The following ATE1 variants were observed in gnomAD, a reference collection of about 807,000 sequenced individuals.
ATE1 encodes arginyltransferase 1, also known as arginyl-tRNA--protein transferase 1.
In ATE1, 36 loss-of-function variants were observed where a neutral mutation model predicts 70.5. The observed-to-expected ratio is 0.51, with a 90% CI of 0.39 to 0.67. ATE1 has a LOEUF of 0.67. Among genes scored for constraint, ATE1 ranks in the 30% least tolerant of loss-of-function variants. The pLI is 0.00. For missense variants in ATE1, 593 were observed against 629.5 expected (o/e 0.94, Z 0.62); for synonymous variants, 232 against 219.3 (o/e 1.06, Z -0.51).
chr10:121,928,288 C>G (rs1022330618), upstream of ATE1: 2 of 1,487,768 alleles, frequency 1.3e-6, no homozygotes, highest in South Asian at 1.3e-5. Context: ...CCCTTTCCCC[C>G]GCCGAGGGCC....
intron 1 of ATE1, chr10:121,926,875 C>CTT: frequency 1.0e-6 from 1 of 984,878 alleles, no homozygotes; most frequent in Non-Finnish European, 1.2e-6. Context: ...ATAATCCTCA[C>CTT]TTCTAACGAT....
chr10:121,879,592 G>A (rs768842458), intron 7 of ATE1, among the ~76,000 whole-genome samples: 4 of 152,098 alleles, frequency 2.6e-5, no homozygotes, highest in African/African-American at 7.2e-5. Flanking sequence ...TGAATTCAAC[G>A]AATAAATGCA....
intron 7 of ATE1, among the ~76,000 whole-genome samples, chr10:121,871,687 C>T (rs1375973487): frequency 1.3e-5 from 2 of 151,346 alleles, no homozygotes; most frequent in Non-Finnish European, 2.9e-5. Flanking sequence ...CATTTAGGCC[C>T]TAGTTGACAA....
At chr10:121,786,489 CA>C (rs772050232) in intron 11 of ATE1, among the ~76,000 whole-genome samples, 2 of 151,952 alleles carry the variant, frequency 1.3e-5, no homozygotes, top group Non-Finnish European at 2.9e-5. Context: ...CGCAACGTAG[CA>C]AAACTCCACC....
At chr10:121,910,410 CAT>C (rs879925963) in intron 5 of ATE1, among the ~76,000 whole-genome samples, 33 of 151,948 alleles carry the variant, frequency 2.2e-4, no homozygotes, top group Non-Finnish European at 4.4e-4. Context: ...TAAGTAATAA[CAT>C]AAAAAAATCT....
chr10:121,852,926 C>G (rs906176388), intron 8 of ATE1, among the ~76,000 whole-genome samples: 1 of 152,094 alleles, frequency 6.6e-6, no homozygotes, highest in Non-Finnish European at 1.5e-5. Flanking sequence ...GCAACAGATT[C>G]CTAATTTTCT....
chr10:121,904,640 C>CAAAAA (rs778557337), intron 5 of ATE1, among the ~76,000 whole-genome samples: 3 of 46,488 alleles, frequency 6.5e-5, no homozygotes, highest in East Asian at 7.4e-4. Flanking sequence ...GACTCCGTCT[C>CAAAAA]AAAAAAAAAA....
At chr10:121,875,450 G>A (rs1445428245) in intron 7 of ATE1, among the ~76,000 whole-genome samples, 3 of 151,478 alleles carry the variant, frequency 2.0e-5, no homozygotes, top group Non-Finnish European at 4.4e-5. Context: ...GATTACAGGC[G>A]CCCACCACCA....
rs1050221389 is a variant in ATE1 at position 121,742,348 on chromosome 10, A to T, written c.*1332T>A. The stretch of plus-strand genomic sequence containing the variant: ...TAAAATTAGCAACAGGATTCAAACT[A>T]CCATGTTTTATAACATGGCTTTTAA... On this transcript the variant is annotated 3_prime_UTR_variant, in exon 12 of 12. Transcript: ENST00000224652. The T allele has an allele frequency of 2.6e-5, 4 of 152,254 alleles. No individual in the cohort carries two copies. The highest frequency in any genetic ancestry group is 5.9e-5 in the Non-Finnish European group (4 of 68,040). 9.4% of individuals were successfully genotyped at this position (152,254 alleles called of 1,614,324 possible).
chr10:121,833,349 C>T (rs1405203009), intron 10 of ATE1, among the ~76,000 whole-genome samples: 1 of 151,956 alleles, frequency 6.6e-6, no homozygotes, highest in African/African-American at 2.4e-5. Flanking sequence ...TACTCGTCAG[C>T]TCTCTGCATT....
At chr10:121,743,927 T>G (rs1590192759) in intron 11 of ATE1, 69 bp from the exon 12 acceptor site, 3 of 1,446,154 alleles carry the variant, frequency 2.1e-6, no homozygotes, top group African/African-American at 3.0e-5. Context: ...TTTTTTTTTT[T>G]TTTTTTTTTT....
rs1172072233 is a variant in ATE1, at chr10:121,927,827, C to T, written c.106+17G>A. 3.2e-6 allele frequency: 5 copies of T among 1,548,870 alleles called. No individual in the cohort carries two copies. Among genetic ancestry groups the T allele is most frequent in the Non-Finnish European group, 4.3e-6 (5 of 1,149,470 alleles). ...CGGGCGCCCGGCTTCCCACGCCCGC[C>T]GGCCCGGCTCGCTCACCATTGGAGC... On this transcript the variant is annotated intron_variant, in intron 1 of 11. Coordinates refer to ENST00000224652, the MANE Select transcript of ATE1 (RefSeq NM_001001976.3).
chr10:121,926,066 G>A (rs546759014), intron 1 of ATE1, among the ~76,000 whole-genome samples: 49 of 151,890 alleles, frequency 3.2e-4, no homozygotes, highest in African/African-American at 1.1e-3. Context: ...AAAATTAGCC[G>A]GCCGTGGTGG....
intron 10 of ATE1, among the ~76,000 whole-genome samples, chr10:121,790,624 CTAGT>C (rs1312226902): frequency 1.3e-5 from 2 of 152,126 alleles, no homozygotes; most frequent in African/African-American, 2.4e-5. Flanking sequence ...CTTTCAAATA[CTAGT>C]TAATTAACAA....
Position 121,871,764 on chromosome 10 carries a change from CA to C in ATE1, c.943-1727del, listed in dbSNP as rs1416381475. ...GGAAAGAAAAGAAAAAAACAAAATG[CA>C]AACAGTAAGAATTTTTTCTTAATTT... is the stretch of plus-strand genomic sequence containing the variant. On this transcript the variant is annotated intron_variant, in intron 7 of 11. Transcript: ENST00000224652. 3.9e-5 allele frequency among the ~76,000 whole-genome samples: 6 copies of C among 152,080 alleles called. No individual in the cohort carries two copies. The South Asian group carries it at 1.0e-3, about 26-fold the overall frequency.
chr10:121,789,296 CTTTT>C (rs3036893), intron 11 of ATE1, among the ~76,000 whole-genome samples: 1 of 92,684 alleles, frequency 1.1e-5, no homozygotes, highest in Non-Finnish European at 2.0e-5. Context: ...CAGGGCTATG[CTTTT>C]TTTTTTTTTT....
chr10:121,812,051 G>A (rs1947343491), intron 10 of ATE1, among the ~76,000 whole-genome samples: 1 of 149,028 alleles, frequency 6.7e-6, no homozygotes, highest in Non-Finnish European at 1.5e-5. Flanking sequence ...TGCCTCCAGG[G>A]CTCAAGTGAT....
At chr10:121,874,541 T>C (rs1355866066) in intron 7 of ATE1, among the ~76,000 whole-genome samples, 1 of 150,114 alleles carries the variant, frequency 6.7e-6, no homozygotes, top group East Asian at 1.9e-4. Flanking sequence ...GAAGATCTTA[T>C]TTAACCTATT....
intron 4 of ATE1, 37 bp from the exon 5 acceptor site, chr10:121,911,188 GT>G: frequency 6.3e-7 from 1 of 1,593,696 alleles, no homozygotes; most frequent in South Asian, 1.2e-5. Flanking sequence ...CATCAGCTGG[GT>G]TATTTGATAC....
Sources: gnomAD v4.1 joint callset for allele counts (sites outside exome capture counted in the v4.1 genomes callset) on GRCh38, gnomAD v4.1.1 for gene constraint, MANE v1.5 for transcripts, NCBI Gene and HGNC (gene_info 2026-07-23, HGNC 2026-07-21) for gene names.